Variants in SEMA4D observed in about 807,000 individuals in gnomAD.
SEMA4D encodes the protein semaphorin 4D.
SEMA4D carries 22 observed loss-of-function variants against 74.8 expected under a neutral mutation model. That is an observed-to-expected ratio of 0.29 (90% CI 0.21 to 0.42). SEMA4D has a LOEUF of 0.42. Ranked by LOEUF, SEMA4D falls within the 10% of genes least tolerant of loss-of-function variation. The pLI is 1.00. For missense variants in SEMA4D, 937 were observed against 1,118.4 expected (o/e 0.84, Z 2.31); for synonymous variants, 445 against 463.7 (o/e 0.96, Z 0.52).
chr9:89,453,676 C>T (rs941337564), intron 2 of SEMA4D, among the ~76,000 whole-genome samples: 1 of 152,130 alleles, frequency 6.6e-6, no homozygotes, highest in Non-Finnish European at 1.5e-5. Context: ...CTGTGGTGGC[C>T]GTGCTGTCTC....
At chr9:89,377,217 A>C (rs772183254), downstream of SEMA4D, 64 of 1,000,862 alleles carry the variant, frequency 6.4e-5, no homozygotes, top group Non-Finnish European at 8.5e-5. Context: ...GCCTCCGCTA[A>C]GGAATGTCTT....
At chr9:89,496,832 C>A (rs769775888) in intron 1 of SEMA4D, among the ~76,000 whole-genome samples, 1 of 152,144 alleles carries the variant, frequency 6.6e-6, no homozygotes, top group Admixed American at 6.5e-5. Flanking sequence ...TGTCACGTCA[C>A]CCCCAGGAAA....
At chr9:89,396,400 A>G (rs1840968695) in intron 6 of SEMA4D, among the ~76,000 whole-genome samples, 1 of 151,984 alleles carries the variant, frequency 6.6e-6, no homozygotes, top group South Asian at 2.1e-4. Context: ...GCACATCCCC[A>G]ATGCCATGTT....
chr9:89,402,532 G>A (rs922577945), intron 4 of SEMA4D, among the ~76,000 whole-genome samples: 1 of 152,168 alleles, frequency 6.6e-6, no homozygotes, highest in African/African-American at 2.4e-5. Context: ...AGAATGTGGT[G>A]TCGGGATCTG....
intron 9 of SEMA4D, among the ~76,000 whole-genome samples, chr9:89,390,153 G>A (rs551860148): frequency 6.6e-6 from 1 of 152,344 alleles, no homozygotes; most frequent in East Asian, 1.9e-4. Context: ...GTCAAGGCAA[G>A]TCTGATCCTT....
chr9:89,420,516 G>A (rs1286817496), intron 2 of SEMA4D, among the ~76,000 whole-genome samples: 1 of 152,232 alleles, frequency 6.6e-6, no homozygotes, highest in Non-Finnish European at 1.5e-5. Flanking sequence ...CTCTAGTGCA[G>A]GAGAGTGTGG....
intron 1 of SEMA4D, among the ~76,000 whole-genome samples, chr9:89,479,414 C>G (rs1862595720): frequency 6.6e-6 from 1 of 152,230 alleles, no homozygotes; most frequent in African/African-American, 2.4e-5. Context: ...GTGTTTGTTA[C>G]TTCAACACCT....
chr9:89,487,138 A>C (rs1825257687), intron 1 of SEMA4D, among the ~76,000 whole-genome samples: 1 of 149,480 alleles, frequency 6.7e-6, no homozygotes, highest in Non-Finnish European at 1.5e-5. Flanking sequence ...ATCCAGCAAT[A>C]TATAAATATA....
chr9:89,433,278 C>A (rs1849661236), intron 2 of SEMA4D, among the ~76,000 whole-genome samples: 1 of 133,292 alleles, frequency 7.5e-6, no homozygotes. Flanking sequence ...GAGACAGCAG[C>A]CGGCAGCAGA....
chr9:89,415,033 G>A lies in SEMA4D; in HGVS notation c.-243-9334C>T, dbSNP rs539479585. Among the ~76,000 whole-genome samples, 9 of 152,350 alleles carry A rather than the reference G, an allele frequency of 5.9e-5. No individual in the cohort carries two copies. In the South Asian group the frequency reaches 1.4e-3, roughly 25 times the overall value. On this transcript the variant is annotated intron_variant, in intron 2 of 15. Transcript: ENST00000422704. The stretch of plus-strand genomic sequence containing the variant: ...CAGGACAAGCGCTATGAGGATGCAC[G>A]CAGAGTGGCGGCACGAACAGGGCCC...
chr9:89,475,966 G>A (rs970443312), intron 1 of SEMA4D, among the ~76,000 whole-genome samples: 1 of 152,178 alleles, frequency 6.6e-6, no homozygotes, highest in Non-Finnish European at 1.5e-5. Flanking sequence ...AACAGGAATG[G>A]TCCCCAGAGG....
chr9:89,450,192 G>A, intron 2 of SEMA4D: 1 of 1,290,170 alleles, frequency 7.8e-7, no homozygotes, highest in Non-Finnish European at 1.1e-6. Context: ...GCAGAAGAAG[G>A]ACCATGAAAA....
At position 89,484,390 on chromosome 9, in the gene SEMA4D, T is replaced by C. The variant is rs1296710105; in HGVS notation, c.-310+13529A>G. Among the ~76,000 whole-genome samples, 1 of 151,994 alleles carries C rather than the reference T, an allele frequency of 6.6e-6. No homozygotes were observed. The highest frequency in any genetic ancestry group is 1.5e-5 in the Non-Finnish European group (1 of 67,984). ...GCACGTGCAGCATATGACTGTGTGG[T>C]GTTATGTGTGGGGTTTGATGTGTGG... is the stretch of plus-strand genomic sequence containing the variant. On this transcript the variant is annotated intron_variant, in intron 1 of 15. Transcript: ENST00000422704. This position sits in a 1 kb window ranked among gnomAD's most constrained non-coding sequence, Gnocchi z 4.1.
intron 1 of SEMA4D, among the ~76,000 whole-genome samples, chr9:89,463,980 G>A (rs2135777491): frequency 6.6e-6 from 1 of 151,240 alleles, no homozygotes; most frequent in East Asian, 1.9e-4. Context: ...AGAGCCAAAG[G>A]CTTAACTTCA....
At chr9:89,463,907 C>G (rs1857977287) in intron 1 of SEMA4D, among the ~76,000 whole-genome samples, 1 of 148,112 alleles carries the variant, frequency 6.8e-6, no homozygotes, top group Non-Finnish European at 1.5e-5. Context: ...GCACTCCAGC[C>G]TGGGTGACAG....
intron 1 of SEMA4D, among the ~76,000 whole-genome samples, chr9:89,477,999 C>T (rs894217537): frequency 6.6e-6 from 1 of 152,116 alleles, no homozygotes; most frequent in African/African-American, 2.4e-5. Context: ...CCACTGTACT[C>T]TTATTTCTAC....
At chr9:89,487,853 G>C (rs1347536961) in intron 1 of SEMA4D, among the ~76,000 whole-genome samples, 1 of 152,160 alleles carries the variant, frequency 6.6e-6, no homozygotes, top group Admixed American at 6.5e-5. Flanking sequence ...AGAAATAAAG[G>C]AAGATGAAAA....
At chr9:89,431,642 C>T (rs112226284) in intron 2 of SEMA4D, among the ~76,000 whole-genome samples, 6 of 152,144 alleles carry the variant, frequency 3.9e-5, no homozygotes, top group African/African-American at 1.4e-4. Flanking sequence ...GGACTACAGG[C>T]GTGAGCCATC....
rs1441979034 is a variant in SEMA4D, at chr9:89,492,555, C to T, written c.-310+5364G>A. ...TGGGACACTTCAGTAGGACTCTCAC[C>T]TGTACTATCTTGAGAGCCACACCAT... On this transcript the variant is annotated intron_variant, in intron 1 of 15. Transcript: ENST00000422704. The surrounding 1 kb of genome is among the most constrained non-coding windows in gnomAD (Gnocchi z 4.3). Among the ~76,000 whole-genome samples the T allele has an allele frequency of 5.9e-5, 9 of 152,272 alleles. No homozygotes were observed. The East Asian group carries it at 1.7e-3, about 29-fold the overall frequency.
Sources: allele counts gnomAD v4.1 joint callset (sites outside exome capture counted in the v4.1 genomes callset), GRCh38; gene constraint gnomAD v4.1.1; non-coding constraint Gnocchi (gnomAD v3.1); transcripts MANE v1.5; gene names NCBI Gene and HGNC (gene_info 2026-07-23, HGNC 2026-07-21).